The following DYRK1A variants were observed in gnomAD, a reference collection of about 807,000 sequenced individuals.
DYRK1A encodes the protein dual specificity tyrosine-phosphorylation-regulated kinase 1A.
A neutral mutation model predicts 79.7 loss-of-function variants in DYRK1A; 9 were observed. The observed-to-expected ratio is 0.11, with a 90% confidence interval of 0.07 to 0.20. The LOEUF is 0.20. Among genes scored for constraint, DYRK1A ranks in the 10% least tolerant of loss-of-function variants. The pLI, the probability that DYRK1A is intolerant of heterozygous loss-of-function variation, is 1.00. For synonymous variants in DYRK1A, 349 were observed against 329.7 expected (o/e 1.06, Z -0.63); for missense variants, 622 against 956.0 (o/e 0.65, Z 4.61).
chr21:37,401,747 C>T (rs2050058403), intron 1 of DYRK1A, among the ~76,000 whole-genome samples: 1 of 152,042 alleles, frequency 6.6e-6, no homozygotes, highest in Non-Finnish European at 1.5e-5. Context: ...CCTCCCAAAG[C>T]ACTGGGATTA....
intron 2 of DYRK1A, chr21:37,430,161 T>G (rs2050737600): frequency 2.9e-6 from 1 of 342,026 alleles, no homozygotes; most frequent in African/African-American, 2.2e-5. Flanking sequence ...CCTTTATATT[T>G]CTTTTTACCT....
intron 2 of DYRK1A, among the ~76,000 whole-genome samples, chr21:37,469,195 T>C (rs150997930): frequency 2.6e-3 from 399 of 152,272 alleles, no homozygotes; most frequent in Non-Finnish European, 4.5e-3. Flanking sequence ...CGTGAGAATT[T>C]TTCATAAACT....
intron 1 of DYRK1A, among the ~76,000 whole-genome samples, chr21:37,405,673 C>G (rs572315795): frequency 4.1e-4 from 62 of 152,296 alleles, no homozygotes; most frequent in African/African-American, 1.3e-3. Context: ...TCTGACAGTC[C>G]TCCTTCCCCA....
At chr21:37,424,253 T>G (rs559024460) in intron 2 of DYRK1A, among the ~76,000 whole-genome samples, 1 of 152,184 alleles carries the variant, frequency 6.6e-6, no homozygotes, top group Non-Finnish European at 1.5e-5. Context: ...GACTTTTTTC[T>G]TACTGATTCA....
intron 8 of DYRK1A, among the ~76,000 whole-genome samples, chr21:37,495,186 GT>G (rs2053228665): frequency 1.3e-5 from 2 of 149,018 alleles, no homozygotes; most frequent in Admixed American, 1.3e-4. Flanking sequence ...GTGTGTGTGT[GT>G]GTGTGTGTGT....
At position 37,512,700 on chromosome 21, in the gene DYRK1A, T is replaced by G; in HGVS notation, c.*169T>G. The G allele has an allele frequency of 1.3e-6, 1 of 758,852 alleles. No homozygotes were observed. Among genetic ancestry groups the G allele is most frequent in the Non-Finnish European group, 2.1e-6 (1 of 482,066 alleles). 47.0% of individuals were successfully genotyped at this position (758,852 alleles called of 1,614,324 possible). The stretch of plus-strand genomic sequence containing the variant: ...ACTTGAAAAGATTGCAAAGGGACAT[T>G]GAAGTGTTTAAAAGAGCCATGTCCA... On this transcript the variant is annotated 3_prime_UTR_variant, in exon 12 of 12. Transcript: ENST00000647188.
At chr21:37,478,119 G>A in intron 3 of DYRK1A, 89 bp from the exon 4 acceptor site, 1 of 1,565,592 alleles carries the variant, frequency 6.4e-7, no homozygotes, top group Non-Finnish European at 8.7e-7. Context: ...GATACATGCA[G>A]GTTACAGAAG....
At chr21:37,507,275 C>G (rs1013650106) in intron 11 of DYRK1A, among the ~76,000 whole-genome samples, 4 of 152,194 alleles carry the variant, frequency 2.6e-5, no homozygotes, top group African/African-American at 9.6e-5. Context: ...CCCCTCTCTC[C>G]TGCCATCATG....
intron 9 of DYRK1A, among the ~76,000 whole-genome samples, chr21:37,497,318 C>A (rs2053301538): frequency 6.6e-6 from 1 of 152,074 alleles, no homozygotes; most frequent in Non-Finnish European, 1.5e-5. Context: ...TTTGTAAGTT[C>A]TTGTGTTCTG....
At chr21:37,461,749 A>C (rs57666071) in intron 2 of DYRK1A, among the ~76,000 whole-genome samples, 1 of 151,832 alleles carries the variant, frequency 6.6e-6, no homozygotes, top group East Asian at 1.9e-4. Flanking sequence ...TGACTCCCCT[A>C]TATGGAAACA....
At chr21:37,434,307 CTATT>C (rs773347919) in intron 2 of DYRK1A, among the ~76,000 whole-genome samples, 27 of 152,236 alleles carry the variant, frequency 1.8e-4, no homozygotes, top group African/African-American at 4.3e-4. Flanking sequence ...AATCTGTACT[CTATT>C]TAGGAGGAGA....
At chr21:37,405,893 T>C (rs900813875) in intron 1 of DYRK1A, among the ~76,000 whole-genome samples, 1 of 152,218 alleles carries the variant, frequency 6.6e-6, no homozygotes, top group African/African-American at 2.4e-5. Context: ...CATGTGATTT[T>C]TAGGGTACTA....
At chr21:37,473,081 A>T (rs1166482600) in intron 3 of DYRK1A, among the ~76,000 whole-genome samples, 1 of 152,166 alleles carries the variant, frequency 6.6e-6, no homozygotes, top group Non-Finnish European at 1.5e-5. Context: ...AAACACTCAT[A>T]AACATAACCA....
At chr21:37,509,439 T>A (rs1433477082) in intron 11 of DYRK1A, among the ~76,000 whole-genome samples, 1 of 152,244 alleles carries the variant, frequency 6.6e-6, no homozygotes, top group East Asian at 1.9e-4. Flanking sequence ...CTATTGTTTG[T>A]TTATTCATTT....
chr21:37,478,356 A>C, intron 4 of DYRK1A, 56 bp downstream of exon 4: 1 of 1,542,698 alleles, frequency 6.5e-7, no homozygotes, highest in South Asian at 1.2e-5. Context: ...TTGAGAAAAA[A>C]AGTGTGACCT....
chr21:37,383,254 C>A (rs766183517), intron 1 of DYRK1A, among the ~76,000 whole-genome samples: 1 of 152,186 alleles, frequency 6.6e-6, no homozygotes, highest in Non-Finnish European at 1.5e-5. Context: ...ATTCCAGTTG[C>A]AACACTTAGT....
rs1019956626 is a variant in DYRK1A at position 37,525,895 on chromosome 21, C to T, written c.*13364C>T. The T allele has an allele frequency of 1.3e-5, 2 of 152,150 alleles. No homozygotes were observed. The highest frequency in any genetic ancestry group is 6.5e-5 in the Admixed American group (1 of 15,282). 9.4% of individuals were successfully genotyped at this position (152,150 alleles called of 1,614,324 possible). A position where few individuals can be genotyped will look rare whatever the true frequency, so the allele number is the denominator to read the frequency against. ...AAATTTTTCTGAATGAGAACTGCCC[C>T]GAACCACCGTTACTAAACACTGAAT... On this transcript the variant is annotated 3_prime_UTR_variant, in exon 12 of 12. Coordinates refer to ENST00000647188, the MANE Select transcript of DYRK1A (RefSeq NM_001347721.2).
intron 1 of DYRK1A, among the ~76,000 whole-genome samples, chr21:37,389,239 T>A (rs2049824130): frequency 6.6e-6 from 1 of 151,780 alleles, no homozygotes; most frequent in Non-Finnish European, 1.5e-5. Flanking sequence ...AAATACATAC[T>A]GCAGTCTTGA....
At chr21:37,369,082 G>A (rs2049377877) in intron 1 of DYRK1A, among the ~76,000 whole-genome samples, 1 of 152,150 alleles carries the variant, frequency 6.6e-6, no homozygotes, top group African/African-American at 2.4e-5. Flanking sequence ...GAGTATTGAT[G>A]AGTCATAAGA....
Sources: gnomAD v4.1 joint callset for allele counts (sites outside exome capture counted in the v4.1 genomes callset) on GRCh38, gnomAD v4.1.1 for gene constraint, MANE v1.5 for transcripts, NCBI Gene and HGNC (gene_info 2026-07-23, HGNC 2026-07-21) for gene names.